The following RALGAPB variants were observed in gnomAD, a reference collection of about 807,000 sequenced individuals.
RALGAPB encodes the protein ral GTPase-activating protein subunit beta.
RALGAPB carries 25 observed loss-of-function variants against 161.1 expected under a neutral mutation model. The observed-to-expected ratio is 0.16, with a 90% CI of 0.11 to 0.22. The LOEUF (loss-of-function observed/expected upper bound fraction) is 0.22. Ranked by LOEUF, RALGAPB falls within the 10% of genes least tolerant of loss-of-function variation. The probability of loss-of-function intolerance (pLI) is 1.00; values close to 1 mark genes in which losing one functional copy is unlikely to be tolerated. For synonymous variants in RALGAPB, 629 were observed against 626.1 expected (o/e 1.00, Z -0.07); for missense variants, 1,391 against 1,815.2 (o/e 0.77, Z 4.25).
Position 38,539,855 on chromosome 20 carries a change from G to A in RALGAPB, c.2459G>A (p.Arg820Gln). 6.2e-7 allele frequency: 1 copy of A among 1,614,014 alleles called. No individual in the cohort carries two copies. Among genetic ancestry groups the A allele is most frequent in the Non-Finnish European group, 8.5e-7 (1 of 1,179,974 alleles). ...ACCTACATTGTTTATCAGTGTAGTC[G>A]GCCAGCTCCTTTACACTCCAGGGAT... is the stretch of plus-strand genomic sequence containing the variant. ...VCTYIVYQCS[R>Q]PAPLHSRDLH... The change falls in exon 17 of 30, where the codon CGG becomes CAG. Residue 820 changes from arginine (R) to glutamine (Q), a missense_variant. By Grantham distance (43) the Arg-to-Gln change is conservative. Coordinates refer to ENST00000262879, the MANE Select transcript of RALGAPB (RefSeq NM_020336.4).
At chr20:38,477,268 C>T (rs1252526932) in intron 1 of RALGAPB, among the ~76,000 whole-genome samples, 1 of 152,164 alleles carries the variant, frequency 6.6e-6, no homozygotes, top group Non-Finnish European at 1.5e-5. Flanking sequence ...TAAATAGTTA[C>T]ATGAAATAGC....
chr20:38,567,255 C>T, intron 26 of RALGAPB, 23 bp downstream of exon 26: 1 of 1,601,308 alleles, frequency 6.2e-7, no homozygotes, highest in Non-Finnish European at 8.5e-7. Flanking sequence ...GTTGATAGGT[C>T]TCCAAAATTT....
At chr20:38,535,600 T>C (rs2086780845) in intron 16 of RALGAPB, among the ~76,000 whole-genome samples, 1 of 151,960 alleles carries the variant, frequency 6.6e-6, no homozygotes, top group African/African-American at 2.4e-5. Context: ...CACCTTTTTT[T>C]TTTTTTTTTT....
chr20:38,503,808 CATT>C (rs1183682498), intron 5 of RALGAPB, among the ~76,000 whole-genome samples: 2 of 152,102 alleles, frequency 1.3e-5, no homozygotes, highest in East Asian at 3.9e-4. Context: ...TGGCACACCT[CATT>C]GTTGTCTTAT....
intron 2 of RALGAPB, among the ~76,000 whole-genome samples, chr20:38,490,729 C>T (rs763103726): frequency 2.0e-4 from 30 of 152,052 alleles, no homozygotes; most frequent in Non-Finnish European, 3.5e-4. Context: ...AGGCTGGTCT[C>T]GAACTCCTGA....
At chr20:38,480,321 CT>C (rs11476061) in intron 1 of RALGAPB, among the ~76,000 whole-genome samples, 105,873 of 138,986 alleles carry the variant, frequency 0.76, 40,163 homozygotes, top group East Asian at 0.91. Context: ...GTTTCTAGTG[CT>C]TTTTTTTTTT....
chr20:38,578,156 C>G lies in RALGAPB; in HGVS notation c.*3189C>G, dbSNP rs554789430. ...CCATTTTAAAGCCCATTCAGGTTCT[C>G]TCTTCCTGAAAAGAACTGATTGCTG... is the stretch of plus-strand genomic sequence containing the variant. On this transcript the variant is annotated 3_prime_UTR_variant, in exon 30 of 30. Transcript: ENST00000262879. 9.2e-5 allele frequency: 14 copies of G among 152,382 alleles called. No homozygotes were observed. Among genetic ancestry groups the G allele is most frequent in the Non-Finnish European group, 1.5e-4 (10 of 68,044 alleles). 9.4% of individuals were successfully genotyped at this position (152,382 alleles called of 1,614,324 possible).
chr20:38,541,783 G>A (rs1393094934), intron 18 of RALGAPB, among the ~76,000 whole-genome samples: 1 of 152,180 alleles, frequency 6.6e-6, no homozygotes, highest in Non-Finnish European at 1.5e-5. Flanking sequence ...ATGCTGGGGA[G>A]TTGAAAGGAG....
At chr20:38,490,537 G>T (rs1220999424) in intron 2 of RALGAPB, among the ~76,000 whole-genome samples, 1 of 149,866 alleles carries the variant, frequency 6.7e-6, no homozygotes. Context: ...ACAGAGTCTC[G>T]CTCTTGTTGG....
At chr20:38,496,851 T>A (rs1298607511) in intron 3 of RALGAPB, among the ~76,000 whole-genome samples, 1 of 152,226 alleles carries the variant, frequency 6.6e-6, no homozygotes, top group African/African-American at 2.4e-5. Context: ...CTATTCCTTC[T>A]GGCTTGTAGG....
intron 23 of RALGAPB, among the ~76,000 whole-genome samples, chr20:38,561,109 A>C (rs564807336): frequency 6.6e-6 from 1 of 152,302 alleles, no homozygotes; most frequent in East Asian, 1.9e-4. Context: ...GCGGATCACG[A>C]GGTCAGGAGA....
rs549231564 is a variant in RALGAPB at position 38,490,500 on chromosome 20, G to A, written c.186+1882G>A. 6.7e-4 allele frequency among the ~76,000 whole-genome samples: 100 copies of A among 148,356 alleles called. 1 individual carries two copies. The highest frequency in any genetic ancestry group is 2.2e-3 in the African/African-American group (87 of 40,030). On this transcript the variant is annotated intron_variant, in intron 2 of 29. Coordinates refer to ENST00000262879, the MANE Select transcript of RALGAPB (RefSeq NM_020336.4). ...TGGTATTACAGGCGTGAGCCACCGC[G>A]CCCGGCCTATTTATTTATTTTTTGA...
chr20:38,564,608 TTTAA>T (rs2087916391), intron 24 of RALGAPB, among the ~76,000 whole-genome samples: 2 of 152,200 alleles, frequency 1.3e-5, no homozygotes, highest in African/African-American at 4.8e-5. Context: ...CTGAGTTCAT[TTTAA>T]TTGAGAACTA....
intron 21 of RALGAPB, among the ~76,000 whole-genome samples, chr20:38,552,799 T>C (rs567305097): frequency 1.3e-5 from 2 of 152,334 alleles, no homozygotes; most frequent in South Asian, 4.1e-4. Flanking sequence ...GCATTATCTA[T>C]AGTGAAGTTA....
chr20:38,492,909 T>G lies in RALGAPB; in HGVS notation c.187-21T>G, dbSNP rs181180554. ...GATAGGAACGTGTAATAATTCTATA[T>G]GGATATTTTCTTTTGTCTAGGTAAA... On this transcript the variant is annotated intron_variant, in intron 2 of 29. Coordinates refer to ENST00000262879, the MANE Select transcript of RALGAPB (RefSeq NM_020336.4). 41 of 1,559,914 alleles carry G rather than the reference T, an allele frequency of 2.6e-5. No homozygotes were observed. In the Admixed American group the frequency reaches 4.9e-4, roughly 19 times the overall value.
At chr20:38,521,444 G>C (rs1264223169) in intron 9 of RALGAPB, 53 bp from the exon 10 acceptor site, 2 of 1,604,948 alleles carry the variant, frequency 1.2e-6, no homozygotes, top group East Asian at 2.2e-5. Context: ...AGGGTCCCAT[G>C]AGCCTACGTG....
intron 1 of RALGAPB, among the ~76,000 whole-genome samples, chr20:38,480,155 G>T (rs1463089361): frequency 2.7e-5 from 4 of 149,774 alleles, no homozygotes; most frequent in African/African-American, 9.8e-5. Flanking sequence ...CTAAGATAAG[G>T]TTAAACTTTT....
chr20:38,565,346 T>C lies in RALGAPB; in HGVS notation c.3698-13T>C, dbSNP rs2087955777. On this transcript the variant is annotated splice_polypyrimidine_tract_variant and intron_variant, in intron 24 of 29. Coordinates refer to ENST00000262879, the MANE Select transcript of RALGAPB (RefSeq NM_020336.4). ...TTTTGAAGCGGTAATGTAGTGTTTC[T>C]TTTTCCCAGAAGAAGTGATTTCCTC... The C allele has an allele frequency of 6.2e-7, 1 of 1,612,088 alleles. No homozygotes were observed. The highest frequency in any genetic ancestry group is 1.3e-5 in the African/African-American group (1 of 74,834).
intron 3 of RALGAPB, among the ~76,000 whole-genome samples, chr20:38,494,496 C>T (rs1164582023): frequency 3.9e-5 from 6 of 152,018 alleles, no homozygotes; most frequent in Non-Finnish European, 8.8e-5. Flanking sequence ...CCGGGTGTGG[C>T]GGCATGTGCT....
Sources: gnomAD v4.1 joint callset for allele counts (sites outside exome capture counted in the v4.1 genomes callset) on GRCh38, gnomAD v4.1.1 for gene constraint, MANE v1.5 for transcripts, NCBI Gene and HGNC (gene_info 2026-07-23, HGNC 2026-07-21) for gene names.